The following IQCM variants were observed in gnomAD, a reference collection of about 807,000 sequenced individuals.
The protein encoded by IQCM is IQ motif containing M.
Under a neutral mutation model 57.6 loss-of-function variants are expected in IQCM, and 45 were observed. The ratio of observed to expected loss-of-function variants is 0.78; its 90% CI spans 0.62 to 1.00. The LOEUF (loss-of-function observed/expected upper bound fraction) is 1.00. Ranked by LOEUF, IQCM falls within the 50% of genes least tolerant of loss-of-function variation. The pLI is 0.00. For missense variants in IQCM, 468 were observed against 511.6 expected, an observed-to-expected ratio of 0.91 and a Z score of 0.82; for synonymous variants, 148 against 158.9, an observed-to-expected ratio of 0.93 and a Z score of 0.51.
intron 2 of IQCM, among the ~76,000 whole-genome samples, chr4:149,753,685 C>G (rs890516628): frequency 1.3e-5 from 2 of 150,066 alleles, no homozygotes; most frequent in Admixed American, 6.7e-5. Context: ...ACATATGTAA[C>G]AAACCTGCAC....
chr4:149,512,791 A>G (rs2149812899), intron 12 of IQCM, among the ~76,000 whole-genome samples: 1 of 152,340 alleles, frequency 6.6e-6, no homozygotes, highest in East Asian at 1.9e-4. Context: ...TGTTCTGAAT[A>G]ACTTTTATCT....
chr4:149,592,688 T>A (rs991707111), intron 8 of IQCM, among the ~76,000 whole-genome samples: 2 of 151,778 alleles, frequency 1.3e-5, no homozygotes, highest in African/African-American at 4.8e-5. Context: ...TAGCCAGTTT[T>A]CCCAGCACCA....
intron 13 of IQCM, among the ~76,000 whole-genome samples, chr4:149,409,533 C>G: frequency 6.6e-6 from 1 of 152,214 alleles, no homozygotes; most frequent in East Asian, 1.9e-4. Flanking sequence ...TAGCAGAAAA[C>G]TTTTTGAAGT....
chr4:149,669,307 G>C lies in IQCM; in HGVS notation c.565+12811C>G, dbSNP rs181973051. Reference sequence around the variant, plus strand: ...CGAGAAGTGTCTATTCATATCCTTTGCCCACTTTTTGATGGGGTTGATTTT... The same window carrying C: ...CGAGAAGTGTCTATTCATATCCTTTCCCCACTTTTTGATGGGGTTGATTTT... On this transcript the variant is annotated intron_variant, in intron 7 of 13. Coordinates refer to ENST00000636793, the MANE Select transcript of IQCM (RefSeq NM_001363507.2). 1.2e-3 allele frequency among the ~76,000 whole-genome samples: 180 copies of C among 152,166 alleles called. 1 individual carries two copies. In the Middle Eastern group the frequency reaches 0.014, roughly 12 times the overall value.
chr4:149,488,554 T>C (rs1404463983), intron 12 of IQCM, among the ~76,000 whole-genome samples: 1 of 152,156 alleles, frequency 6.6e-6, no homozygotes, highest in Non-Finnish European at 1.5e-5. Context: ...ATCGCTGTCA[T>C]AACACACTTC....
intron 2 of IQCM, among the ~76,000 whole-genome samples, chr4:149,811,633 T>C (rs940825670): frequency 3.9e-5 from 6 of 152,130 alleles, no homozygotes; most frequent in African/African-American, 7.2e-5. Context: ...CTCCCAGGTA[T>C]CCAGGGTCCT....
intron 7 of IQCM, among the ~76,000 whole-genome samples, chr4:149,680,803 TA>T (rs1762121672): frequency 1.3e-5 from 2 of 151,502 alleles, no homozygotes; most frequent in South Asian, 4.1e-4. Context: ...CTGTAGCTAA[TA>T]ACCAGGATTC....
At chr4:149,495,674 A>C (rs1319103234) in intron 12 of IQCM, among the ~76,000 whole-genome samples, 1 of 152,150 alleles carries the variant, frequency 6.6e-6, no homozygotes, top group Non-Finnish European at 1.5e-5. Flanking sequence ...CCTTGATGGC[A>C]AGGTAAACTT....
At chr4:149,741,191 T>C (rs890226219) in intron 3 of IQCM, among the ~76,000 whole-genome samples, 1 of 152,148 alleles carries the variant, frequency 6.6e-6, no homozygotes, top group African/African-American at 2.4e-5. Flanking sequence ...ACTCTTCAGT[T>C]CTAAATTAAA....
intron 12 of IQCM, among the ~76,000 whole-genome samples, chr4:149,496,968 T>C (rs1228959163): frequency 1.3e-5 from 2 of 152,046 alleles, no homozygotes; most frequent in Admixed American, 1.3e-4. Context: ...CAAAAACAAA[T>C]AAGTGTAATA....
intron 10 of IQCM, among the ~76,000 whole-genome samples, 164 bp downstream of exon 10, chr4:149,563,528 G>A (rs1168335227): frequency 6.6e-6 from 1 of 152,088 alleles, no homozygotes; most frequent in Admixed American, 6.6e-5. Flanking sequence ...AGAGGTTGCA[G>A]TGAGCCAAGA....
At chr4:149,644,626 T>C (rs1249305442) in intron 7 of IQCM, among the ~76,000 whole-genome samples, 2 of 152,200 alleles carry the variant, frequency 1.3e-5, no homozygotes, top group Non-Finnish European at 2.9e-5. Context: ...TTACAGAGTA[T>C]GCTGCTGTGA....
intron 12 of IQCM, among the ~76,000 whole-genome samples, chr4:149,499,987 G>T (rs1243425406): frequency 6.6e-6 from 1 of 152,124 alleles, no homozygotes; most frequent in Non-Finnish European, 1.5e-5. Context: ...GAATACATAG[G>T]TCTCTTTCCC....
intron 2 of IQCM, among the ~76,000 whole-genome samples, chr4:149,792,957 C>T (rs1252425934): frequency 6.6e-6 from 1 of 152,174 alleles, no homozygotes; most frequent in African/African-American, 2.4e-5. Flanking sequence ...ACAATGTTCA[C>T]ATGCAGTAGC....
At chr4:149,540,150 A>T (rs1747705011) in intron 12 of IQCM, among the ~76,000 whole-genome samples, 1 of 148,630 alleles carries the variant, frequency 6.7e-6, no homozygotes, top group Non-Finnish European at 1.5e-5. Flanking sequence ...GCCCAGAAGA[A>T]AGGCCATGTG....
intron 8 of IQCM, among the ~76,000 whole-genome samples, chr4:149,588,939 T>A (rs1234486102): frequency 6.6e-6 from 1 of 151,956 alleles, no homozygotes; most frequent in Non-Finnish European, 1.5e-5. Flanking sequence ...ATATACCAGC[T>A]TCAACAGCAT....
chr4:149,723,478 T>C (rs1765623823), intron 5 of IQCM, among the ~76,000 whole-genome samples: 1 of 152,088 alleles, frequency 6.6e-6, no homozygotes. Flanking sequence ...CTTAGTTTGT[T>C]GAGGGTTTTT....
intron 13 of IQCM, among the ~76,000 whole-genome samples, chr4:149,406,617 T>C (rs1366440533): frequency 6.6e-6 from 1 of 152,114 alleles, no homozygotes; most frequent in African/African-American, 2.4e-5. Flanking sequence ...AATACATGTC[T>C]TTAAGCCAAA....
chr4:149,744,230 T>C (rs1477399814), intron 2 of IQCM, among the ~76,000 whole-genome samples: 1 of 152,216 alleles, frequency 6.6e-6, no homozygotes, highest in Non-Finnish European at 1.5e-5. Flanking sequence ...CATCATCTCA[T>C]GGGCTAGAGC....
Sources: allele counts gnomAD v4.1 joint callset (sites outside exome capture counted in the v4.1 genomes callset), GRCh38; gene constraint gnomAD v4.1.1; transcripts MANE v1.5; gene names NCBI Gene and HGNC (gene_info 2026-07-23, HGNC 2026-07-21).